Variants in PXN observed in about 807,000 individuals in gnomAD.
PXN encodes testicular tissue protein Li 134.
Under a neutral mutation model 103.6 loss-of-function variants are expected in PXN, and 61 were observed. The ratio of observed to expected loss-of-function variants is 0.59; its 90% confidence interval spans 0.48 to 0.73. The LOEUF is 0.73. Among genes scored for constraint, PXN ranks in the 30% least tolerant of loss-of-function variants. The probability of loss-of-function intolerance (pLI) is 0.00; values close to 1 mark genes in which losing one functional copy is unlikely to be tolerated. For synonymous variants in PXN, 562 were observed against 607.8 expected (o/e 0.92, Z 1.11); for missense variants, 1,274 against 1,460.3 (o/e 0.87, Z 2.08).
rs1885509826 is a variant in PXN, at chr12:120,222,589, T to C, written c.655A>G (p.Ser219Gly). The change falls in exon 5 of 15, where the codon AGT becomes GGT. Residue 219 changes from serine (S) to glycine (G), a missense_variant. By Grantham distance (56) the Ser-to-Gly change is moderately conservative (BLOSUM62 0). Transcript: ENST00000637617. This position sits in a 1 kb window ranked among gnomAD's most constrained non-coding sequence, Gnocchi z 4.7. ...GAGCTCTCCAGTTCATCCAAGAGAC[T>C]CTCCACACTGGGCCGCACGTCCTCC... ...GLEDVRPSVE[S>G]LLDELESSVP... 6.2e-7 allele frequency: 1 copy of C among 1,608,558 alleles called. No homozygotes were observed. Among genetic ancestry groups the C allele is most frequent in the Non-Finnish European group, 8.5e-7 (1 of 1,177,910 alleles).
chr12:120,224,830 C>A lies in PXN; in HGVS notation c.14-453G>T. ...CTTGATTTCTAAGAGCTTAGGCTTTCCCAGCCCCCGACTGGAAGGGGCACT... is the reference window on the plus strand; with the variant it reads ...CTTGATTTCTAAGAGCTTAGGCTTTACCAGCCCCCGACTGGAAGGGGCACT... On this transcript the variant is annotated intron_variant, in intron 1 of 14. Transcript: ENST00000637617. This position sits in a 1 kb window ranked among gnomAD's most constrained non-coding sequence, Gnocchi z 5.0. 2.3e-6 allele frequency: 1 copy of A among 431,092 alleles called. No individual in the cohort carries two copies. Among genetic ancestry groups the A allele is most frequent in the South Asian group, 1.6e-5 (1 of 62,700 alleles). The allele number at this position is 431,092 out of a possible 1,614,324, so 26.7% of individuals were successfully genotyped here.
intron 1 of PXN, among the ~76,000 whole-genome samples, chr12:120,264,684 C>T (rs148372552): frequency 4.5e-4 from 69 of 152,366 alleles, no homozygotes; most frequent in African/African-American, 1.5e-3. Flanking sequence ...TGGCTTCCAG[C>T]AGGGCCTGAC....
chr12:120,233,949 G>A (rs560674283), intron 1 of PXN, among the ~76,000 whole-genome samples: 40 of 152,264 alleles, frequency 2.6e-4, no homozygotes, highest in African/African-American at 8.9e-4. Context: ...GGGGACAGAT[G>A]GAAGCCAGGG....
chr12:120,249,515 C>G (rs1197820678), intron 1 of PXN, among the ~76,000 whole-genome samples: 2 of 152,272 alleles, frequency 1.3e-5, no homozygotes, highest in South Asian at 2.1e-4. Context: ...AGTGATCAGC[C>G]AATCAAGCAT....
At chr12:120,250,978 C>T (rs1228212548) in intron 1 of PXN, among the ~76,000 whole-genome samples, 1 of 151,812 alleles carries the variant, frequency 6.6e-6, no homozygotes, top group Admixed American at 6.6e-5. Flanking sequence ...CCGAGGTGAG[C>T]AGATCACTTG....
At position 120,221,688 on chromosome 12, in the gene PXN, G is replaced by A. The variant is rs757335775; in HGVS notation, c.766C>T (p.Arg256Cys). ...QRVTSTQQQT[R>C]ISASSATREL... is the part of the protein sequence containing the mutation. ...CTGGTGGCAGAGGAGGCCGAGATGC[G>A]TGTCTGCTGTTGGGTGGAGGTGACG... is the stretch of plus-strand genomic sequence containing the variant. The change falls in exon 6 of 15, where the codon CGC becomes TGC. Residue 256 changes from arginine (R) to cysteine (C), a missense_variant. Arg to Cys is a radical substitution (Grantham distance 180). Coordinates refer to ENST00000637617, the MANE Select transcript of PXN (RefSeq NM_001385981.1). This position sits in a 1 kb window ranked among gnomAD's most constrained non-coding sequence, Gnocchi z 6.6. 60 of 1,568,120 alleles carry A rather than the reference G, an allele frequency of 3.8e-5. No individual in the cohort carries two copies. The Admixed American group carries it at 5.5e-4, about 14-fold the overall frequency.
chr12:120,227,737 C>T (rs750591265), intron 1 of PXN, among the ~76,000 whole-genome samples: 1 of 152,138 alleles, frequency 6.6e-6, no homozygotes, highest in African/African-American at 2.4e-5. Context: ...CCAAACCCCC[C>T]ACAAACTCCT....
chr12:120,237,723 G>C (rs1180293838), intron 1 of PXN, among the ~76,000 whole-genome samples: 1 of 152,074 alleles, frequency 6.6e-6, no homozygotes, highest in African/African-American at 2.4e-5. Context: ...GGTCTTCTTG[G>C]GCACACAAAT....
rs1884370362 is a variant in PXN, at chr12:120,219,450, C to T, written c.1473G>A (p.Arg491=). The change falls in exon 7 of 15, where the codon AGG becomes AGA. Residue 491 remains arginine, a synonymous_variant. Transcript: ENST00000637617. This position sits in a 1 kb window ranked among gnomAD's most constrained non-coding sequence, Gnocchi z 6.5. ...LTEEHGLQQE[R]PRPEPGRLGS... ...CCAGCCTCCCTGGCTCTGGCCTTGG[C>T]CTCTCCTGCTGTAGGCCATGTTCCT... The T allele has an allele frequency of 6.3e-7, 1 of 1,598,092 alleles. No individual in the cohort carries two copies.
rs1270522681 is a variant in PXN, at chr12:120,222,653, C to G, written c.591G>C (p.Leu197=). ...CATTCCGCTTAGGCTTCTCTTTCGT[C>G]AGGGGCCCAGCTTTGCCTCCCAAGG... ...NSPLGGKAGP[L]TKEKPKRNGG... The change falls in exon 5 of 15, where the codon CTG becomes CTC. Residue 197 remains leucine, a synonymous_variant. Coordinates refer to ENST00000637617, the MANE Select transcript of PXN (RefSeq NM_001385981.1). This position sits in a 1 kb window ranked among gnomAD's most constrained non-coding sequence, Gnocchi z 4.7. 1 of 1,608,626 alleles carries G rather than the reference C, an allele frequency of 6.2e-7. No individual in the cohort carries two copies. The highest frequency in any genetic ancestry group is 1.1e-5 in the South Asian group (1 of 89,794).
intron 1 of PXN, among the ~76,000 whole-genome samples, chr12:120,243,811 C>G (rs1362122191): frequency 1.3e-5 from 2 of 152,186 alleles, no homozygotes; most frequent in Non-Finnish European, 2.9e-5. Flanking sequence ...AAGCACTGTG[C>G]ACTTCTCCTA....
intron 1 of PXN, among the ~76,000 whole-genome samples, chr12:120,249,425 C>T (rs1043442027): frequency 2.0e-5 from 3 of 152,060 alleles, no homozygotes; most frequent in Non-Finnish European, 4.4e-5. Flanking sequence ...CTCAGACAGT[C>T]GAAGCAGGGA....
intron 1 of PXN, among the ~76,000 whole-genome samples, chr12:120,231,413 A>T (rs1380680366): frequency 1.3e-5 from 2 of 152,142 alleles, no homozygotes; most frequent in African/African-American, 4.8e-5. Context: ...GGTTACAAAG[A>T]CTCAGCCACC....
rs187520727 is a variant in PXN at position 120,245,525 on chromosome 12, C to T, written c.13+20092G>A. Reference sequence around the variant, plus strand: ...GAATGCGGCCGGGCACAGTGGCTCACGCCTGTAATCCCAGCACTTTGGGAG... The same window carrying T: ...GAATGCGGCCGGGCACAGTGGCTCATGCCTGTAATCCCAGCACTTTGGGAG... On this transcript the variant is annotated intron_variant, in intron 1 of 14. Transcript: ENST00000637617. Among the ~76,000 whole-genome samples, 997 of 151,772 alleles carry T rather than the reference C, an allele frequency of 6.6e-3. 6 individuals carry two copies. Among genetic ancestry groups the T allele is most frequent in the Non-Finnish European group, 9.4e-3 (637 of 67,906 alleles).
rs1433362177 is a variant in PXN at position 120,211,666 on chromosome 12, CATT to C, written c.*645_*647del. On this transcript the variant is annotated 3_prime_UTR_variant, in exon 15 of 15. Transcript: ENST00000637617. ...GGAGACGGAGGAAGTGACTAGAAAA[CATT>C]ATTGCTGGAGAGGCTTTTCTCAGTA... The C allele has an allele frequency of 3.2e-6, 1 of 311,698 alleles. No individual in the cohort carries two copies. The highest frequency in any genetic ancestry group is 6.5e-6 in the Non-Finnish European group (1 of 154,874). The allele number at this position is 311,698 out of a possible 1,614,324, so 19.3% of individuals were successfully genotyped here. A position where few individuals can be genotyped will look rare whatever the true frequency, so the allele number is the denominator to read the frequency against.
chr12:120,241,328 C>A lies in PXN; in HGVS notation c.14-16951G>T, dbSNP rs1244265438. On this transcript the variant is annotated intron_variant, in intron 1 of 14. Coordinates refer to ENST00000637617, the MANE Select transcript of PXN (RefSeq NM_001385981.1). Reference sequence around the variant, plus strand: ...GGAATGGGACCTGCCTGGACACTGACCCAGGCAGCAAACTCCAGTGAAGCC... The same window carrying A: ...GGAATGGGACCTGCCTGGACACTGAACCAGGCAGCAAACTCCAGTGAAGCC... Among the ~76,000 whole-genome samples the A allele has an allele frequency of 3.9e-5, 6 of 152,176 alleles. 1 individual carries two copies. Among genetic ancestry groups the A allele is most frequent in the African/African-American group, 1.2e-4 (5 of 41,440 alleles).
intron 1 of PXN, among the ~76,000 whole-genome samples, chr12:120,263,135 G>A (rs751678711): frequency 6.6e-6 from 1 of 152,122 alleles, no homozygotes; most frequent in Non-Finnish European, 1.5e-5. Context: ...ACGCTCAGGA[G>A]AAAAATAAAA....
At position 120,212,696 on chromosome 12, in the gene PXN, C is replaced by T. The variant is rs746110269; in HGVS notation, c.2980-116G>A. 103 of 1,255,412 alleles carry T rather than the reference C, an allele frequency of 8.2e-5. No individual in the cohort carries two copies. The highest frequency in any genetic ancestry group is 9.9e-5 in the Non-Finnish European group (90 of 907,850). The allele number at this position is 1,255,412 out of a possible 1,614,324, so 77.8% of individuals were successfully genotyped here. On this transcript the variant is annotated intron_variant, in intron 14 of 14. Transcript: ENST00000637617. The surrounding 1 kb of genome is among the most constrained non-coding windows in gnomAD (Gnocchi z 7.2). ...CTCGGAGTGACTCCTACTTGCTAGGCGTTTCCCATGTGCCGTGTTGTCCTA... is the reference window on the plus strand; with the variant it reads ...CTCGGAGTGACTCCTACTTGCTAGGTGTTTCCCATGTGCCGTGTTGTCCTA...
rs1029042234 is a variant in PXN, at chr12:120,221,813, G to A, written c.696-55C>T. Reference sequence around the variant, plus strand: ...GCCCACAGTCAGCCCCACACTTCCCGGGGATCAGATCGACCTCTCACCTCG... The same window carrying A: ...GCCCACAGTCAGCCCCACACTTCCCAGGGATCAGATCGACCTCTCACCTCG... On this transcript the variant is annotated intron_variant, in intron 5 of 14. Coordinates refer to ENST00000637617, the MANE Select transcript of PXN (RefSeq NM_001385981.1). The surrounding 1 kb of genome is among the most constrained non-coding windows in gnomAD (Gnocchi z 6.6). The A allele has an allele frequency of 4.2e-5, 63 of 1,507,136 alleles. No homozygotes were observed. Among genetic ancestry groups the A allele is most frequent in the African/African-American group, 5.5e-5 (4 of 72,562 alleles). 93.4% of individuals were successfully genotyped at this position (1,507,136 alleles called of 1,614,324 possible).
Sources: allele counts gnomAD v4.1 joint callset (sites outside exome capture counted in the v4.1 genomes callset), GRCh38; gene constraint gnomAD v4.1.1; non-coding constraint Gnocchi (gnomAD v3.1); transcripts MANE v1.5; gene names NCBI Gene and HGNC (gene_info 2026-07-23, HGNC 2026-07-21).